TLE6: variants seen among roughly 807,000 people sequenced by gnomAD.
The protein encoded by TLE6 is transducin-like enhancer protein 6.
A neutral mutation model predicts 77.1 loss-of-function variants in TLE6; 72 were observed. The ratio of observed to expected loss-of-function variants is 0.93; its 90% confidence interval spans 0.77 to 1.14. The LOEUF (loss-of-function observed/expected upper bound fraction) is 1.14. TLE6 is among the 50% of genes most tolerant of loss of function. TLE6 has a pLI of 0.00. For synonymous variants in TLE6, 366 were observed against 287.3 expected (o/e 1.27, Z -2.77); for missense variants, 843 against 747.6 (o/e 1.13, Z -1.49).
intron 7 of TLE6, 27 bp from the exon 8 acceptor site, chr19:2,987,329 T>C: frequency 1.2e-6 from 2 of 1,614,052 alleles, no homozygotes. Flanking sequence ...TCTGTCCCCC[T>C]CCTCCTCTCC....
At chr19:2,992,022 C>T (rs201760890) in intron 14 of TLE6, 38 bp downstream of exon 14, 46 of 1,603,974 alleles carry the variant, frequency 2.9e-5, no homozygotes, top group African/African-American at 6.7e-5. Context: ...GGCCAGGCAT[C>T]CTCTGGTCCT....
chr19:2,986,189 G>A (rs1013159478), intron 5 of TLE6, among the ~76,000 whole-genome samples: 1 of 150,818 alleles, frequency 6.6e-6, no homozygotes, highest in African/African-American at 2.4e-5. Flanking sequence ...CACGTGGGAG[G>A]ATAGTTTGAG....
chr19:2,987,488 C>A, intron 8 of TLE6, 116 bp downstream of exon 8: 1 of 1,482,720 alleles, frequency 6.7e-7, no homozygotes, highest in Non-Finnish European at 9.4e-7. Flanking sequence ...CATCCTGCCC[C>A]TCGGGTCCCC....
chr19:2,988,214 A>T, intron 11 of TLE6, 86 bp downstream of exon 11: 1 of 1,327,486 alleles, frequency 7.5e-7, no homozygotes, highest in Non-Finnish European at 1.0e-6. Flanking sequence ...CGACACATAG[A>T]GGGGAACAGA....
chr19:2,988,674 T>G (rs773933131), intron 11 of TLE6, among the ~76,000 whole-genome samples: 17 of 151,992 alleles, frequency 1.1e-4, no homozygotes, highest in Non-Finnish European at 2.1e-4. Flanking sequence ...GACTTTTTCA[T>G]GGAAGGGGAT....
Position 2,991,211 on chromosome 19 carries a change from TAGTC to T in TLE6, c.1245-629_1245-626del, listed in dbSNP as rs1033049463. Among the ~76,000 whole-genome samples, 20 of 150,076 alleles carry T rather than the reference TAGTC, an allele frequency of 1.3e-4. No individual in the cohort carries two copies. The East Asian group carries it at 1.8e-3, about 13-fold the overall frequency. ...CCCATCTCTACTAAAAATACAAAATTAGTCAGGCGTGGTGGCCCATGCCTGTAAT... is the reference window on the plus strand; with the variant it reads ...CCCATCTCTACTAAAAATACAAAATTAGGCGTGGTGGCCCATGCCTGTAAT... On this transcript the variant is annotated intron_variant, in intron 13 of 16. Transcript: ENST00000246112.
chr19:2,992,165 A>G (rs418667), intron 14 of TLE6, among the ~76,000 whole-genome samples, 181 bp downstream of exon 14: 37,329 of 151,632 alleles, frequency 0.25, 10,044 homozygotes, highest in African/African-American at 0.68. Flanking sequence ...GTGAAACCCC[A>G]TCTCCACTAA....
rs769127744 is a variant in TLE6, at chr19:2,987,326, C to T, written c.542-30C>T. ...GTGAACCCTGCTGTTCTCTCTGTCC[C>T]CCTCCTCCTCTCCGTTGTCATGGTG... On this transcript the variant is annotated intron_variant, in intron 7 of 16. Coordinates refer to ENST00000246112, the MANE Select transcript of TLE6 (RefSeq NM_001143986.2). 1.3e-5 allele frequency: 21 copies of T among 1,614,160 alleles called. No homozygotes were observed. The South Asian group carries it at 2.2e-4, about 17-fold the overall frequency.
At chr19:2,993,212 A>G (rs2089124574) in intron 14 of TLE6, among the ~76,000 whole-genome samples, 1 of 152,170 alleles carries the variant, frequency 6.6e-6, no homozygotes, top group African/African-American at 2.4e-5. Flanking sequence ...CTCCGTCTCA[A>G]AATAAACACT....
At chr19:2,986,224 C>G (rs1032064445) in intron 5 of TLE6, among the ~76,000 whole-genome samples, 2 of 151,848 alleles carry the variant, frequency 1.3e-5, no homozygotes, top group South Asian at 2.1e-4. Context: ...ACCAGCCTGG[C>G]CAACATAATG....
intron 3 of TLE6, 81 bp from the exon 4 acceptor site, chr19:2,981,457 C>G: frequency 1.4e-6 from 2 of 1,463,800 alleles, no homozygotes; most frequent in Non-Finnish European, 1.9e-6. Context: ...GAGACCCTCC[C>G]TAGGGGTTGA....
intron 4 of TLE6, 21 bp downstream of exon 4, chr19:2,981,604 C>G (rs550888290): frequency 6.4e-7 from 1 of 1,551,424 alleles, no homozygotes; most frequent in African/African-American, 1.4e-5. Context: ...CCCAGGCAGC[C>G]CCAACCAAGG....
chr19:2,977,972 G>C (rs2088712269), intron 1 of TLE6, among the ~76,000 whole-genome samples: 1 of 152,080 alleles, frequency 6.6e-6, no homozygotes, highest in Admixed American at 6.6e-5. Flanking sequence ...GGTGAGGCCT[G>C]GGAGGCAAGG....
At chr19:2,991,057 C>T (rs1281999472) in intron 13 of TLE6, among the ~76,000 whole-genome samples, 1 of 148,820 alleles carries the variant, frequency 6.7e-6, no homozygotes, top group Admixed American at 6.7e-5. Flanking sequence ...TGTATACACA[C>T]ACACATATTA....
Position 2,982,259 on chromosome 19 carries a change from C to T in TLE6, c.222+70C>T, listed in dbSNP as rs2088813189. ...GGCATGAGAAAGCACAGAGGGGGGC[C>T]GGGCACAGTGGCTCAAACCTGTAAT... On this transcript the variant is annotated intron_variant, in intron 5 of 16. Transcript: ENST00000246112. The T allele has an allele frequency of 1.1e-5, 17 of 1,513,040 alleles. No individual in the cohort carries two copies. In the East Asian group the frequency reaches 1.2e-4, roughly 11 times the overall value. 93.7% of individuals were successfully genotyped at this position (1,513,040 alleles called of 1,614,324 possible). A position where few individuals can be genotyped will look rare whatever the true frequency, so the allele number is the denominator to read the frequency against.
chr19:2,989,704 A>C lies in TLE6; in HGVS notation c.1163A>C (p.Asn388Thr). 1 of 1,614,116 alleles carries C rather than the reference A, an allele frequency of 6.2e-7. No homozygotes were observed. The highest frequency in any genetic ancestry group is 2.2e-5 in the East Asian group (1 of 44,880). ...AGLNCQALDA[N>T]LDANLAFASF... ...CTCAACTGCCAGGCCCTGGATGCCA[A>C]CCTGGATGCCAACCTGGCCTTCGCC... The change falls in exon 13 of 17, where the codon AAC becomes ACC. Residue 388 changes from asparagine to threonine, a missense_variant. By Grantham distance (65) the Asn-to-Thr change is moderately conservative (BLOSUM62 0). Coordinates refer to ENST00000246112, the MANE Select transcript of TLE6 (RefSeq NM_001143986.2).
Position 2,982,798 on chromosome 19 carries a change from G to A in TLE6, c.222+609G>A, listed in dbSNP as rs148099578. Among the ~76,000 whole-genome samples the A allele has an allele frequency of 9.5e-3, 1,444 of 152,216 alleles. 9 individuals are homozygous for A. Among genetic ancestry groups the A allele is most frequent in the Non-Finnish European group, 0.014 (956 of 68,004 alleles). On this transcript the variant is annotated intron_variant, in intron 5 of 16. Transcript: ENST00000246112. ...AGAGAGGGTCAGTCCTGCTCCTTCC[G>A]CTCCCTGGGCCCCTGCGCAACCTAG...
intron 13 of TLE6, 148 bp downstream of exon 13, chr19:2,989,933 C>G: frequency 8.7e-7 from 1 of 1,148,274 alleles, no homozygotes; most frequent in Non-Finnish European, 1.2e-6. Context: ...CCCTTGCCCC[C>G]TTGAACTTGG....
At chr19:2,988,220 A>G (rs1190929426) in intron 11 of TLE6, 92 bp downstream of exon 11, 2 of 1,320,136 alleles carry the variant, frequency 1.5e-6, no homozygotes, top group Non-Finnish European at 2.1e-6. Flanking sequence ...ATAGAGGGGA[A>G]CAGAGGTGTA....
Sources: allele counts gnomAD v4.1 joint callset (sites outside exome capture counted in the v4.1 genomes callset), GRCh38; gene constraint gnomAD v4.1.1; transcripts MANE v1.5; gene names NCBI Gene and HGNC (gene_info 2026-07-23, HGNC 2026-07-21).